Variants in DMD observed in about 807,000 individuals in gnomAD.
DMD encodes mutant dystrophin.
In DMD, 63 loss-of-function variants were observed where a neutral mutation model predicts 330.1. That is an observed-to-expected ratio of 0.19 (90% CI 0.16 to 0.24). The LOEUF (loss-of-function observed/expected upper bound fraction) is 0.24, where lower values mean the gene tolerates loss of function less well. Ranked by LOEUF, DMD falls within the 10% of genes least tolerant of loss-of-function variation. The probability of loss-of-function intolerance (pLI) is 1.00; values close to 1 mark genes in which losing one functional copy is unlikely to be tolerated. For synonymous variants in DMD, 1,223 were observed against 959.8 expected, an observed-to-expected ratio of 1.27 and a Z score of -5.07; for missense variants, 3,344 against 2,684.1, an observed-to-expected ratio of 1.25 and a Z score of -5.43.
At chrX:32,435,508 G>A (rs1348773143) in intron 29 of DMD, among the ~76,000 whole-genome samples, 1 of 109,447 alleles carries the variant, frequency 9.1e-6, no homozygotes, top group Non-Finnish European at 1.9e-5. Context: ...GGAAACGTAA[G>A]TTTAAAACTG....
intron 7 of DMD, among the ~76,000 whole-genome samples, chrX:32,716,121 T>C (rs775048120): frequency 2.6e-4 from 29 of 111,626 alleles, no homozygotes; most frequent in Non-Finnish European, 4.5e-4. Flanking sequence ...ACAGCGTCAA[T>C]ACAGAGGAGG....
At chrX:32,763,251 G>A (rs1039577086) in intron 7 of DMD, among the ~76,000 whole-genome samples, 7 of 111,824 alleles carry the variant, frequency 6.3e-5, no homozygotes, top group Admixed American at 2.9e-4. Flanking sequence ...TAATACAATC[G>A]TTATACTTTT....
At chrX:32,838,494 G>T (rs1489752231) in intron 4 of DMD, among the ~76,000 whole-genome samples, 2 of 111,194 alleles carry the variant, frequency 1.8e-5, no homozygotes, top group Non-Finnish European at 1.9e-5. Context: ...AGAACATGCG[G>T]TGTTTGGTTT....
At chrX:32,632,834 G>A (rs865856769) in intron 11 of DMD, among the ~76,000 whole-genome samples, 1 of 112,373 alleles carries the variant, frequency 8.9e-6, no homozygotes, top group East Asian at 2.9e-4. Flanking sequence ...TTAGGCCTCC[G>A]GATCTATAAT....
rs756678935 is a variant in DMD, at chrX:32,750,998, T to TG, written c.650-51706dup. On this transcript the variant is annotated intron_variant, in intron 7 of 78. Coordinates refer to ENST00000357033, the MANE Select transcript of DMD (RefSeq NM_004006.3). ...ACTTGCTCTTCCTTGCCTTCCAGCA[T>TG]GATTGTGAAGCTTCCCTAGCTACGT... Among the ~76,000 whole-genome samples, 261 of 112,124 alleles carry TG rather than the reference T, an allele frequency of 2.3e-3. 2 individuals carry two copies. The highest frequency in any genetic ancestry group is 8.1e-3 in the African/African-American group (251 of 30,872).
chrX:31,130,820 A>G (rs1317673080), intron 77 of DMD, among the ~76,000 whole-genome samples: 1 of 112,100 alleles, frequency 8.9e-6, no homozygotes, highest in African/African-American at 3.2e-5. Context: ...ACTCTGTGGC[A>G]AGGGGCAACA....
intron 2 of DMD, among the ~76,000 whole-genome samples, chrX:32,865,186 TG>T (rs1489759742): frequency 9.0e-6 from 1 of 111,674 alleles, no homozygotes; most frequent in Non-Finnish European, 1.9e-5. Flanking sequence ...TGCATCATAC[TG>T]TCCTAAGAAA....
At chrX:32,651,152 G>A (rs895371413) in intron 9 of DMD, among the ~76,000 whole-genome samples, 18 of 107,082 alleles carry the variant, frequency 1.7e-4, no homozygotes, top group Non-Finnish European at 2.5e-4. Context: ...TTTTTTTTCT[G>A]TTTTTTTGAG....
chrX:32,252,877 A>C (rs868558234), intron 43 of DMD, among the ~76,000 whole-genome samples: 5 of 58,845 alleles, frequency 8.5e-5, no homozygotes, highest in Non-Finnish European at 1.2e-4. Context: ...TAAATATATA[A>C]AAATATATAT....
At chrX:32,814,614 T>C (rs1222372859) in intron 6 of DMD, among the ~76,000 whole-genome samples, 2 of 111,708 alleles carry the variant, frequency 1.8e-5, no homozygotes, top group Non-Finnish European at 3.8e-5. Context: ...AACCATGTAA[T>C]ACATAAAGAG....
At chrX:32,585,455 A>G (rs926039595) in intron 13 of DMD, among the ~76,000 whole-genome samples, 3 of 110,249 alleles carry the variant, frequency 2.7e-5, no homozygotes, top group Non-Finnish European at 5.7e-5. Context: ...TAATCCCAGC[A>G]CTTTGGGAGG....
chrX:32,448,708 CAT>C (rs1433188645), intron 26 of DMD, 70 bp from the exon 27 acceptor site: 19 of 971,568 alleles, frequency 2.0e-5, no homozygotes, highest in Non-Finnish European at 2.6e-5. Flanking sequence ...TTCTATGAAT[CAT>C]ATAATTTCTT....
intron 49 of DMD, among the ~76,000 whole-genome samples, chrX:31,835,991 T>G (rs113556921): frequency 0.053 from 5,895 of 111,443 alleles, 399 homozygotes; most frequent in African/African-American, 0.18. Context: ...GAGAATCAGG[T>G]AACCTACTGC....
intron 12 of DMD, among the ~76,000 whole-genome samples, chrX:32,606,060 T>C (rs940742761): frequency 3.6e-5 from 4 of 110,536 alleles, no homozygotes; most frequent in African/African-American, 1.3e-4. Flanking sequence ...TTCACAGTTA[T>C]TGTAAAATGT....
intron 44 of DMD, among the ~76,000 whole-genome samples, chrX:31,969,647 A>C (rs2095381488): frequency 2.7e-5 from 3 of 111,675 alleles, no homozygotes; most frequent in African/African-American, 9.8e-5. Flanking sequence ...GACTGAGGTA[A>C]AGCTCCCTTA....
intron 1 of DMD, among the ~76,000 whole-genome samples, chrX:33,143,386 G>T (rs1020957187): frequency 3.6e-5 from 4 of 110,728 alleles, no homozygotes; most frequent in African/African-American, 6.5e-5. Context: ...TTATTTATAA[G>T]GCAATTGAGT....
At chrX:32,175,190 T>C (rs1466373906) in intron 44 of DMD, among the ~76,000 whole-genome samples, 1 of 111,201 alleles carries the variant, frequency 9.0e-6, no homozygotes, top group Non-Finnish European at 1.9e-5. Context: ...CAGCTGGACT[T>C]TCTGGGTCGA....
intron 16 of DMD, among the ~76,000 whole-genome samples, chrX:32,551,925 G>A (rs776584112): frequency 1.8e-5 from 2 of 111,983 alleles, no homozygotes; most frequent in South Asian, 7.4e-4. Context: ...AAGCAAGGAG[G>A]TGAAACACTG....
intron 63 of DMD, among the ~76,000 whole-genome samples, chrX:31,233,029 A>T (rs1481341114): frequency 8.9e-6 from 1 of 111,878 alleles, no homozygotes. Flanking sequence ...TTGTTCCTCA[A>T]TTATCATCCC....
Sources: allele counts gnomAD v4.1 joint callset (sites outside exome capture counted in the v4.1 genomes callset), GRCh38; gene constraint gnomAD v4.1.1; transcripts MANE v1.5; gene names NCBI Gene and HGNC (gene_info 2026-07-23, HGNC 2026-07-21).